The following DDAH1 variants were observed in gnomAD, a reference collection of about 807,000 sequenced individuals.
The protein encoded by DDAH1 is N(G),N(G)-dimethylarginine dimethylaminohydrolase 1.
In DDAH1, 19 loss-of-function variants were observed where a neutral mutation model predicts 28.8. That is an observed-to-expected ratio of 0.66 (90% confidence interval 0.46 to 0.97). The LOEUF is 0.97. Among genes scored for constraint, DDAH1 ranks in the 50% least tolerant of loss-of-function variants. The probability of loss-of-function intolerance (pLI) is 0.00; values close to 1 mark genes in which losing one functional copy is unlikely to be tolerated. For missense variants in DDAH1, 326 were observed against 375.9 expected (o/e 0.87, Z 1.10); for synonymous variants, 153 against 154.4 (o/e 0.99, Z 0.07).
chr1:85,523,937 T>A (rs1167895594), intron 1 of DDAH1, among the ~76,000 whole-genome samples: 1 of 151,962 alleles, frequency 6.6e-6, no homozygotes, highest in African/African-American at 2.4e-5. Context: ...GCAATCGAAT[T>A]TTTTGCCTAT....
chr1:85,339,744 T>A (rs1012852104), intron 4 of DDAH1, among the ~76,000 whole-genome samples: 6 of 152,234 alleles, frequency 3.9e-5, no homozygotes, highest in Admixed American at 1.3e-4. Context: ...TATGCTTTAT[T>A]AACCTTCAGC....
intron 1 of DDAH1, among the ~76,000 whole-genome samples, chr1:85,383,514 G>T (rs1320015871): frequency 6.6e-6 from 1 of 152,154 alleles, no homozygotes; most frequent in African/African-American, 2.4e-5. Flanking sequence ...AAAATATTTA[G>T]AATAGTCCAA....
In DDAH1 at chr1:85,529,431, T is replaced by C. The variant is rs1195425611; in HGVS notation, c.-122-33150A>G. ...TTTCAAAACTCCACACATGACAGTA[T>C]AGATTCCCTGGACAGCAAAACAGAC... On this transcript the variant is annotated intron_variant, in intron 1 of 6. Coordinates refer to the DDAH1 transcript ENST00000426972. 2.0e-5 allele frequency among the ~76,000 whole-genome samples: 3 copies of C among 152,068 alleles called. No homozygotes were observed. The East Asian group carries it at 5.8e-4, about 29-fold the overall frequency.
At chr1:85,446,725 C>T (rs1029128743) in intron 1 of DDAH1, among the ~76,000 whole-genome samples, 7 of 152,102 alleles carry the variant, frequency 4.6e-5, no homozygotes, top group East Asian at 1.9e-4. Flanking sequence ...TGCCACCCCT[C>T]CCCCAATCCT....
intron 1 of DDAH1, among the ~76,000 whole-genome samples, chr1:85,540,960 T>TAAAAA (rs140965112): frequency 9.4e-6 from 1 of 106,660 alleles, no homozygotes; most frequent in African/African-American, 3.8e-5. Context: ...ACTCAGTATC[T>TAAAAA]AAAAAAAAAA....
chr1:85,335,938 G>C (rs1361457120), intron 4 of DDAH1, among the ~76,000 whole-genome samples: 2 of 150,954 alleles, frequency 1.3e-5, no homozygotes, highest in Non-Finnish European at 2.9e-5. Flanking sequence ...CTCCAGCCTG[G>C]GTGACAAAGT....
intron 1 of DDAH1, among the ~76,000 whole-genome samples, chr1:85,575,439 G>A (rs1659574900): frequency 6.6e-6 from 1 of 152,104 alleles, no homozygotes; most frequent in African/African-American, 2.4e-5. Context: ...GAACCCCAGA[G>A]GTCCTAAACA....
At chr1:85,505,553 T>C (rs755959376) in intron 1 of DDAH1, among the ~76,000 whole-genome samples, 51 of 152,294 alleles carry the variant, frequency 3.3e-4, no homozygotes, top group Middle Eastern at 3.4e-3. Context: ...GAGAAGGTGA[T>C]TTGATTCAGT....
At chr1:85,492,652 C>T (rs1656447166) in intron 2 of DDAH1, among the ~76,000 whole-genome samples, 1 of 152,042 alleles carries the variant, frequency 6.6e-6, no homozygotes, top group Non-Finnish European at 1.5e-5. Flanking sequence ...ATCTGAATGG[C>T]AATATCAGTA....
intron 1 of DDAH1, among the ~76,000 whole-genome samples, chr1:85,459,416 G>A (rs1655034231): frequency 6.6e-6 from 1 of 152,102 alleles, no homozygotes; most frequent in Non-Finnish European, 1.5e-5. Context: ...CAGCTGCACA[G>A]GAAGAGACTA....
At chr1:85,472,050 T>C (rs2100704141) in intron 2 of DDAH1, among the ~76,000 whole-genome samples, 1 of 152,302 alleles carries the variant, frequency 6.6e-6, no homozygotes, top group African/African-American at 2.4e-5. Context: ...GGGCGGGTCA[T>C]AGAAACCAAA....
rs1557506528 is a variant in DDAH1 at position 85,351,565 on chromosome 1, CA to C, written c.417del (p.Phe139LeufsTer36). 2 of 1,613,974 alleles carry C rather than the reference CA, an allele frequency of 1.2e-6. No homozygotes were observed. The highest frequency in any genetic ancestry group is 1.7e-6 in the Non-Finnish European group (2 of 1,179,948). ...GDVLFTGREF[F>X]VGLSKRTNQR... ...TGATTTGTCCTTTTGGAAAGGCCCACAAAAAATTCTCTGCCTGTAATAGATG... is the reference window on the plus strand; with the variant it reads ...TGATTTGTCCTTTTGGAAAGGCCCACAAAAATTCTCTGCCTGTAATAGATG... On this transcript the variant is annotated frameshift_variant, in exon 3 of 6. Transcript: ENST00000284031. LOFTEE classifies it high-confidence loss of function.
At chr1:85,388,664 A>G (rs900706152) in intron 1 of DDAH1, among the ~76,000 whole-genome samples, 13 of 152,204 alleles carry the variant, frequency 8.5e-5, no homozygotes, top group African/African-American at 3.1e-4. Context: ...ACCCAGAGCC[A>G]TCTCCTCTTT....
At chr1:85,472,477 A>C (rs868569820) in intron 2 of DDAH1, among the ~76,000 whole-genome samples, 6 of 151,740 alleles carry the variant, frequency 4.0e-5, no homozygotes, top group Admixed American at 1.3e-4. Context: ...CTTCCTTTTG[A>C]GAGTTGATTT....
intron 1 of DDAH1, among the ~76,000 whole-genome samples, chr1:85,451,032 A>G (rs548719613): frequency 2.3e-4 from 35 of 152,320 alleles, no homozygotes; most frequent in African/African-American, 7.7e-4. Context: ...AGTGCCCACA[A>G]GAGACCTGCC....
At chr1:85,478,229 T>A (rs1217333068) in intron 2 of DDAH1, among the ~76,000 whole-genome samples, 2 of 152,216 alleles carry the variant, frequency 1.3e-5, no homozygotes, top group Admixed American at 6.5e-5. Context: ...AAAGACCATA[T>A]CATAGGATAC....
intron 1 of DDAH1, among the ~76,000 whole-genome samples, chr1:85,426,212 A>G (rs1012977258): frequency 1.3e-5 from 2 of 152,238 alleles, no homozygotes; most frequent in Non-Finnish European, 2.9e-5. Context: ...CTTGGAACTT[A>G]GAAATAATAG....
intron 1 of DDAH1, among the ~76,000 whole-genome samples, chr1:85,373,106 T>C (rs1403077409): frequency 6.6e-6 from 1 of 152,158 alleles, no homozygotes; most frequent in African/African-American, 2.4e-5. Flanking sequence ...CTGTTTATGC[T>C]GTCAAAACTA....
intron 4 of DDAH1, among the ~76,000 whole-genome samples, chr1:85,326,456 G>T (rs1436217212): frequency 6.6e-6 from 1 of 152,208 alleles, no homozygotes; most frequent in African/African-American, 2.4e-5. Flanking sequence ...CTATTTTACA[G>T]ATGAAGAAAC....
Sources: allele counts gnomAD v4.1 joint callset (sites outside exome capture counted in the v4.1 genomes callset), GRCh38; gene constraint gnomAD v4.1.1; transcripts MANE v1.5; gene names NCBI Gene and HGNC (gene_info 2026-07-23, HGNC 2026-07-21).